The following KIAA1210 variants were observed in gnomAD, a reference collection of about 807,000 sequenced individuals.
KIAA1210 encodes acrosomal protein KIAA1210.
Under a neutral mutation model 78.9 loss-of-function variants are expected in KIAA1210, and 48 were observed. The observed-to-expected ratio is 0.61, with a 90% confidence interval of 0.48 to 0.77. KIAA1210 has a LOEUF of 0.77. Ranked by LOEUF, KIAA1210 falls within the 30% of genes least tolerant of loss-of-function variation. The pLI is 0.00. For synonymous variants in KIAA1210, 406 were observed against 404.5 expected, an observed-to-expected ratio of 1.00 and a Z score of -0.04; for missense variants, 1,108 against 1,100.0, an observed-to-expected ratio of 1.01 and a Z score of -0.10.
intron 11 of KIAA1210, among the ~76,000 whole-genome samples, chrX:119,082,658 G>A (rs1927002054): frequency 8.9e-6 from 1 of 112,076 alleles, no homozygotes; most frequent in African/African-American, 3.2e-5. Context: ...CATTGGAGAT[G>A]TAGAAAGTGA....
chrX:119,124,776 C>A (rs1411808090), intron 1 of KIAA1210, among the ~76,000 whole-genome samples: 1 of 110,369 alleles, frequency 9.1e-6, no homozygotes, highest in Non-Finnish European at 1.9e-5. Context: ...GTAGTCCCAG[C>A]TACTAGGGAG....
rs1441231292 is a variant in KIAA1210, at chrX:119,081,472, G to A, written c.4459C>T (p.Pro1487Ser). ...CGTTTGGTTTCTTTTTCCATGGCAG[G>A]AACTTGCAGTATCTTCTGAGCTTCA... Reference protein sequence around the residue: ...GFEAQKILQVPAMEKETKRSS... With the variant: ...GFEAQKILQVSAMEKETKRSS... The change falls in exon 12 of 12, where the codon CCT becomes TCT. Residue 1487 changes from proline to serine, a missense_variant. By Grantham distance (74) the Pro-to-Ser change is moderately conservative. Around this residue, in one of 5 missense-constraint regions of KIAA1210, gnomAD observed 245 missense variants for 278.8 expected, o/e 0.88. Coordinates refer to ENST00000691062, the MANE Select transcript of KIAA1210 (RefSeq NM_001394962.1). The A allele has an allele frequency of 8.3e-7, 1 of 1,206,842 alleles. No individual in the cohort carries two copies. Among genetic ancestry groups the A allele is most frequent in the Non-Finnish European group, 1.1e-6 (1 of 894,129 alleles).
chrX:119,125,154 C>G (rs1014201616), intron 1 of KIAA1210, among the ~76,000 whole-genome samples: 1 of 111,395 alleles, frequency 9.0e-6, no homozygotes, highest in African/African-American at 3.3e-5. Flanking sequence ...ATAAACATAT[C>G]AAATAAGTAT....
chrX:119,128,938 G>A (rs1398402672), upstream of KIAA1210, among the ~76,000 whole-genome samples: 2 of 112,317 alleles, frequency 1.8e-5, no homozygotes, highest in Non-Finnish European at 3.8e-5. Context: ...GCCCCCCAAA[G>A]TGCTGGGATT....
intron 6 of KIAA1210, among the ~76,000 whole-genome samples, chrX:119,101,270 G>A (rs1255968908): frequency 2.7e-5 from 3 of 112,198 alleles, no homozygotes; most frequent in African/African-American, 9.7e-5. Flanking sequence ...GGGATAGAGA[G>A]AAGGTTGACT....
At position 119,087,636 on chromosome X, in the gene KIAA1210, T is replaced by C. The variant is rs746016511; in HGVS notation, c.3066A>G (p.Lys1022=). 17 of 1,211,313 alleles carry C rather than the reference T, an allele frequency of 1.4e-5. No individual in the cohort carries two copies. The South Asian group carries it at 2.8e-4, about 20-fold the overall frequency. ...IPRRPTQSFV[K]FMAQQIFSES... ...CTGAAAAGATTTGCTGTGCCATAAATTTCACGAATGACTGGGTCGGACGCC... is the reference window on the plus strand; with the variant it reads ...CTGAAAAGATTTGCTGTGCCATAAACTTCACGAATGACTGGGTCGGACGCC... Residue 1022 remains lysine, a synonymous_variant, in exon 9 of 12, where the codon AAA becomes AAG. Transcript: ENST00000691062.
chrX:119,112,034 C>T (rs1165832533), intron 3 of KIAA1210, among the ~76,000 whole-genome samples: 2 of 111,122 alleles, frequency 1.8e-5, no homozygotes, highest in Non-Finnish European at 3.8e-5. Flanking sequence ...GCAGTTTCCC[C>T]CATGCTGTTC....
intron 1 of KIAA1210, among the ~76,000 whole-genome samples, chrX:119,127,179 C>A (rs1296758624): frequency 9.0e-6 from 1 of 110,552 alleles, no homozygotes; most frequent in Non-Finnish European, 1.9e-5. Context: ...CACAGCAGCA[C>A]CCCCACCCCT....
chrX:119,083,119 C>A lies in KIAA1210; in HGVS notation c.4322G>T (p.Gly1441Val). ...TTGGTTTTCATTTGCAGAGCCAGCTCCCTTTAATACAAAAATGAAAACAGA... is the reference window on the plus strand; with the variant it reads ...TTGGTTTTCATTTGCAGAGCCAGCTACCTTTAATACAAAAATGAAAACAGA... ...DAETKEPKYE[G>V]AGSANENQPK... is the part of the protein sequence containing the mutation. The change falls in exon 11 of 12, where the codon GGA (glycine) becomes GTA (valine). Residue 1441 changes from glycine (G) to valine (V), a missense_variant and splice_region_variant. Physicochemically the swap from Gly to Val is moderately radical, Grantham distance 109. This residue lies in a region of KIAA1210 where 245 missense variants were observed against 278.8 expected (regional missense o/e 0.88). Transcript: ENST00000691062. 3 of 1,179,404 alleles carry A rather than the reference C, an allele frequency of 2.5e-6. No individual in the cohort carries two copies. In the South Asian group the frequency reaches 5.6e-5, roughly 22 times the overall value.
chrX:119,105,203 T>C, intron 5 of KIAA1210, 56 bp from the exon 6 acceptor site: 3 of 1,072,853 alleles, frequency 2.8e-6, no homozygotes, highest in Non-Finnish European at 2.5e-6. Flanking sequence ...CTTCCTCAAA[T>C]TAGTGGTTTT....
chrX:119,148,469 T>C lies in KIAA1210; in HGVS notation c.290-876A>G, dbSNP rs1261399277. Among the ~76,000 whole-genome samples the C allele has an allele frequency of 3.6e-5, 4 of 112,091 alleles. No homozygotes were observed. In the East Asian group the frequency reaches 8.4e-4, roughly 23 times the overall value. On this transcript the variant is annotated intron_variant, in intron 1 of 13. Coordinates refer to the KIAA1210 transcript ENST00000402510. ...TCTTGTCAGATTTTAAAAGTTCTTT[T>C]GCTTTGCCTTCATCTCCTTCTATAC...
chrX:119,101,074 T>C (rs1927724056), intron 6 of KIAA1210, among the ~76,000 whole-genome samples: 1 of 112,372 alleles, frequency 8.9e-6, no homozygotes, highest in Non-Finnish European at 1.9e-5. Context: ...CTGGACACTC[T>C]TTTGCTGTTA....
rs749532108 is a variant in KIAA1210 at position 119,116,777 on chromosome X, C to A, written c.62-113G>T. The A allele has an allele frequency of 9.8e-5, 65 of 662,155 alleles. 1 individual carries two copies. In the Admixed American group the frequency reaches 1.5e-3, roughly 15 times the overall value. The allele number at this position is 662,155 out of a possible 1,213,427, so 54.6% of individuals were successfully genotyped here. ...ACCATGATCCCACCCAGGTGTCCTG[C>A]AGAGCTTGGACTCAACCCCAATGCT... On this transcript the variant is annotated intron_variant, in intron 2 of 11. Transcript: ENST00000691062.
chrX:119,146,154 A>G (rs956264978), intron 2 of KIAA1210, among the ~76,000 whole-genome samples: 1 of 112,251 alleles, frequency 8.9e-6, no homozygotes, highest in Non-Finnish European at 1.9e-5. Flanking sequence ...CACAACTGAA[A>G]ATGCACTTTC....
rs1048399460 is a variant in KIAA1210 at position 119,081,288 on chromosome X, A to C, written c.*41T>G. ...TCTCAAAAAAAAAAAAAAAAAAAAA[A>C]ACTAAATAAAATAAATGCTGATGCT... On this transcript the variant is annotated 3_prime_UTR_variant, in exon 12 of 12. Transcript: ENST00000691062. 1.2e-5 allele frequency: 12 copies of C among 966,899 alleles called. No homozygotes were observed. The highest frequency in any genetic ancestry group is 3.2e-4 in the Middle Eastern group (1 of 3,122). The allele number at this position is 966,899 out of a possible 1,213,427, so 79.7% of individuals were successfully genotyped here. A position where few individuals can be genotyped will look rare whatever the true frequency, so the allele number is the denominator to read the frequency against.
chrX:119,083,745 T>C (rs773753076), intron 10 of KIAA1210, among the ~76,000 whole-genome samples: 152 of 110,799 alleles, frequency 1.4e-3, no homozygotes, highest in African/African-American at 4.7e-3. Flanking sequence ...CCCAACACTT[T>C]GTGAGGCTCA....
intron 2 of KIAA1210, among the ~76,000 whole-genome samples, chrX:119,118,026 T>C (rs1311507708): frequency 8.9e-6 from 1 of 111,988 alleles, no homozygotes; most frequent in African/African-American, 3.2e-5. Context: ...TTAGCTCTTA[T>C]TGATTTCACA....
chrX:119,119,671 C>G (rs1420381211), intron 2 of KIAA1210, among the ~76,000 whole-genome samples: 1 of 111,357 alleles, frequency 9.0e-6, no homozygotes, highest in Admixed American at 9.5e-5. Context: ...ATAGCCAGAC[C>G]TCATCTGTAT....
Position 119,138,279 on chromosome X carries a change from T to C in KIAA1210, c.410+9194A>G, listed in dbSNP as rs372471082. Among the ~76,000 whole-genome samples the C allele has an allele frequency of 1.1e-4, 10 of 90,199 alleles. No homozygotes were observed. The East Asian group carries it at 2.5e-3, about 23-fold the overall frequency. The allele number at this position is 90,199 out of a possible 115,157, so 78.3% of individuals were successfully genotyped here. A position where few individuals can be genotyped will look rare whatever the true frequency, so the allele number is the denominator to read the frequency against. The stretch of plus-strand genomic sequence containing the variant: ...TGTCACCCAGGCTGGAGTGCAATGG[T>C]GCAATCTTGGCTCACTGCAAACTCC... On this transcript the variant is annotated intron_variant, in intron 2 of 13. Transcript: ENST00000402510.
Sources: allele counts gnomAD v4.1 joint callset (sites outside exome capture counted in the v4.1 genomes callset), GRCh38; gene constraint gnomAD v4.1.1; regional missense constraint gnomAD v4.1.1; transcripts MANE v1.5; gene names NCBI Gene and HGNC (gene_info 2026-07-23, HGNC 2026-07-21).